Variants in LINGO1 observed in about 807,000 individuals in gnomAD.
LINGO1 encodes the protein leucine-rich repeat and immunoglobulin-like domain-containing nogo receptor-interacting protein 1.
Under a neutral mutation model 37.3 loss-of-function variants are expected in LINGO1, and 11 were observed. The ratio of observed to expected loss-of-function variants is 0.29; its 90% CI spans 0.19 to 0.49. LINGO1 has a LOEUF of 0.49. LINGO1 is among the 20% of genes least tolerant of loss of function. The pLI, the probability that LINGO1 is intolerant of heterozygous loss-of-function variation, is 0.99. For synonymous variants in LINGO1, 387 were observed against 403.0 expected, an observed-to-expected ratio of 0.96 and a Z score of 0.48; for missense variants, 585 against 878.2, an observed-to-expected ratio of 0.67 and a Z score of 4.22.
chr15:77,809,456 G>A (rs1268969937), intron 1 of LINGO1, among the ~76,000 whole-genome samples: 2 of 152,202 alleles, frequency 1.3e-5, no homozygotes, highest in Admixed American at 6.5e-5. Flanking sequence ...TTGCAGAACA[G>A]CTGTGCACAC....
intron 1 of LINGO1, among the ~76,000 whole-genome samples, chr15:77,622,719 A>G (rs934931551): frequency 2.0e-5 from 3 of 152,312 alleles, no homozygotes; most frequent in Admixed American, 6.5e-5. Flanking sequence ...GTGGGGGCGC[A>G]GTGGGGCCCA....
At chr15:77,723,887 G>C (rs1435658312) in intron 2 of LINGO1, among the ~76,000 whole-genome samples, 1 of 152,174 alleles carries the variant, frequency 6.6e-6, no homozygotes, top group Non-Finnish European at 1.5e-5. Flanking sequence ...GGGGCGCGGG[G>C]GCGGGAGGCG....
intron 1 of LINGO1, among the ~76,000 whole-genome samples, chr15:77,738,767 G>GGAAGGAAA (rs2076228313): frequency 1.3e-5 from 2 of 148,270 alleles, no homozygotes; most frequent in Non-Finnish European, 3.0e-5. Flanking sequence ...AAGGAAGGAA[G>GGAAGGAAA]GAAGGAAGGA....
upstream of LINGO1, chr15:77,820,693 C>T (rs2077089418): frequency 6.6e-6 from 1 of 152,354 alleles, no homozygotes. Context: ...TCCATCATTT[C>T]TGAGCCCATG....
chr15:77,811,321 G>A (rs1159688162), intron 1 of LINGO1, among the ~76,000 whole-genome samples: 5 of 152,222 alleles, frequency 3.3e-5, no homozygotes, highest in African/African-American at 9.6e-5. Flanking sequence ...CAGCAAACAA[G>A]AGAGATAATT....
chr15:77,643,626 A>G (rs2074558055), intron 3 of LINGO1, among the ~76,000 whole-genome samples: 1 of 152,176 alleles, frequency 6.6e-6, no homozygotes, highest in Admixed American at 6.5e-5. Context: ...AAAGTGTCTG[A>G]GAAACTCCCT....
At chr15:77,797,728 AG>A (rs1360049737) in intron 1 of LINGO1, among the ~76,000 whole-genome samples, 3 of 152,216 alleles carry the variant, frequency 2.0e-5, no homozygotes, top group African/African-American at 7.2e-5. Context: ...CTAGGACCCC[AG>A]GGGCATTCAC....
chr15:77,758,912 T>G lies in LINGO1; in HGVS notation c.-256-23859A>C, dbSNP rs1414834343. ...GTGAGGTCCTGAATCTCCCCAGTGC[T>G]ATCCCCACTTCAGCCTGGGCCTGTC... On this transcript the variant is annotated intron_variant, in intron 1 of 3. Coordinates refer to the LINGO1 transcript ENST00000561686. Among the ~76,000 whole-genome samples the G allele has an allele frequency of 5.3e-5, 8 of 152,178 alleles. No homozygotes were observed. The South Asian group carries it at 1.7e-3, about 32-fold the overall frequency.
intron 1 of LINGO1, among the ~76,000 whole-genome samples, chr15:77,630,335 C>A (rs926082735): frequency 6.6e-6 from 1 of 152,200 alleles, no homozygotes; most frequent in African/African-American, 2.4e-5. Context: ...CGGCTGAAGG[C>A]GCCTGAAGAG....
rs770527152 is a variant in LINGO1, at chr15:77,765,414, C to CAA, written c.-257+21453_-257+21454dup. ...TGGGCAACAGAGCGAGACTGTGTCT[C>CAA]AAAAAAAAAAAAAAACCAGAACTGT... On this transcript the variant is annotated intron_variant, in intron 1 of 3. Coordinates refer to the LINGO1 transcript ENST00000561686. Among the ~76,000 whole-genome samples the CAA allele has an allele frequency of 6.1e-4, 66 of 108,478 alleles. 1 individual carries two copies. Among genetic ancestry groups the CAA allele is most frequent in the African/African-American group, 1.6e-3 (53 of 32,380 alleles). 71.2% of individuals were successfully genotyped at this position (108,478 alleles called of 152,430 possible). A position where few individuals can be genotyped will look rare whatever the true frequency, so the allele number is the denominator to read the frequency against.
chr15:77,771,855 C>G (rs2076589028), intron 1 of LINGO1, among the ~76,000 whole-genome samples: 1 of 152,200 alleles, frequency 6.6e-6, no homozygotes, highest in Non-Finnish European at 1.5e-5. Context: ...ACCTGCTCCC[C>G]TTCCTGACTC....
intron 3 of LINGO1, among the ~76,000 whole-genome samples, chr15:77,650,940 T>G (rs1483172742): frequency 1.3e-5 from 2 of 152,088 alleles, no homozygotes; most frequent in Non-Finnish European, 2.9e-5. Flanking sequence ...CCCTGAGCCT[T>G]TGCTACTGCA....
chr15:77,689,602 G>A (rs898366540), intron 2 of LINGO1, among the ~76,000 whole-genome samples: 3 of 152,194 alleles, frequency 2.0e-5, no homozygotes, highest in African/African-American at 7.2e-5. Context: ...CCTCCATGTG[G>A]GGGGTGGGAA....
upstream of LINGO1, among the ~76,000 whole-genome samples, chr15:77,633,040 C>G (rs1182325899): frequency 6.6e-6 from 1 of 151,036 alleles, no homozygotes; most frequent in Non-Finnish European, 1.5e-5. Flanking sequence ...GGGGGTGGTT[C>G]GTCTCCTTTC....
At chr15:77,680,395 G>A (rs915730634) in intron 2 of LINGO1, among the ~76,000 whole-genome samples, 1 of 152,304 alleles carries the variant, frequency 6.6e-6, no homozygotes, top group East Asian at 1.9e-4. Flanking sequence ...CCCTTTGGGG[G>A]CAGGTCACCT....
chr15:77,750,875 C>A (rs1002043349), intron 1 of LINGO1, among the ~76,000 whole-genome samples: 2 of 152,160 alleles, frequency 1.3e-5, no homozygotes, highest in African/African-American at 2.4e-5. Flanking sequence ...ATACTTTGGC[C>A]AATGAGACTG....
intron 3 of LINGO1, among the ~76,000 whole-genome samples, chr15:77,652,487 T>A (rs888697019): frequency 2.5e-4 from 31 of 121,882 alleles, no homozygotes; most frequent in African/African-American, 4.5e-4. Context: ...AGGGAGAGTG[T>A]GTGTGTGTGT....
At chr15:77,719,435 G>A (rs2076022995) in intron 2 of LINGO1, among the ~76,000 whole-genome samples, 1 of 150,120 alleles carries the variant, frequency 6.7e-6, no homozygotes, top group African/African-American at 2.4e-5. Flanking sequence ...CTCACAGGCA[G>A]ATCAGAGCCA....
At chr15:77,805,178 G>C (rs2076950053) in intron 1 of LINGO1, among the ~76,000 whole-genome samples, 2 of 152,228 alleles carry the variant, frequency 1.3e-5, no homozygotes, top group Non-Finnish European at 2.9e-5. Flanking sequence ...GAAAGAGATG[G>C]CCAGCATTGG....
Sources: allele counts gnomAD v4.1 joint callset (sites outside exome capture counted in the v4.1 genomes callset), GRCh38; gene constraint gnomAD v4.1.1; transcripts MANE v1.5; gene names NCBI Gene and HGNC (gene_info 2026-07-23, HGNC 2026-07-21).